SPATA7: variants seen among roughly 807,000 people sequenced by gnomAD.
The protein encoded by SPATA7 is spermatogenesis associated 7, also known as spermatogenesis-associated protein 7.
A neutral mutation model predicts 51.8 loss-of-function variants in SPATA7; 43 were observed. The observed-to-expected ratio is 0.83, with a 90% CI of 0.65 to 1.07. The LOEUF is 1.07. SPATA7 is among the 50% of genes least tolerant of loss of function. The probability of loss-of-function intolerance (pLI) is 0.00; values close to 1 mark genes in which losing one functional copy is unlikely to be tolerated. For missense variants in SPATA7, 683 were observed against 701.3 expected (o/e 0.97, Z 0.30); for synonymous variants, 230 against 252.8 (o/e 0.91, Z 0.86).
At chr14:88,432,535 TACC>T (rs1190498137) in intron 9 of SPATA7, 1 of 152,254 alleles carries the variant, frequency 6.6e-6, no homozygotes, top group Non-Finnish European at 1.5e-5. Context: ...AGTTAAAAAT[TACC>T]ACAAGATTTA....
chr14:88,465,781 T>C (rs1187452580), intron 4 of SPATA7: 1 of 152,208 alleles, frequency 6.6e-6, no homozygotes, highest in Non-Finnish European at 1.5e-5. Context: ...AGCTCAGTAA[T>C]GTGGATAGAT....
chr14:88,460,301 T>C (rs2077309419), intron 4 of SPATA7, among the ~76,000 whole-genome samples: 1 of 152,202 alleles, frequency 6.6e-6, no homozygotes, highest in Admixed American at 6.5e-5. Context: ...TCCTGCAGAG[T>C]GTTTTCCAAC....
intron 4 of SPATA7, among the ~76,000 whole-genome samples, chr14:88,411,991 T>C (rs1389939326): frequency 2.0e-5 from 3 of 151,870 alleles, no homozygotes; most frequent in African/African-American, 4.9e-5. Context: ...CCAAGAACAG[T>C]GTGTAATTCC....
At chr14:88,460,622 C>G (rs1404825498) in intron 4 of SPATA7, among the ~76,000 whole-genome samples, 30 of 152,080 alleles carry the variant, frequency 2.0e-4, no homozygotes, top group Admixed American at 2.0e-3. Context: ...AATCTTTTTT[C>G]AAGGTTTTTA....
intron 4 of SPATA7, among the ~76,000 whole-genome samples, chr14:88,462,847 A>G (rs900728939): frequency 1.3e-5 from 2 of 152,238 alleles, no homozygotes; most frequent in East Asian, 3.8e-4. Flanking sequence ...CTGAAGTTCT[A>G]CAGAAGTTCA....
chr14:88,454,655 A>C (rs530102604), intron 3 of SPATA7, among the ~76,000 whole-genome samples: 55 of 152,058 alleles, frequency 3.6e-4, no homozygotes, highest in South Asian at 1.2e-3. Context: ...CACACACACA[A>C]AAATTAGCTG....
intron 4 of SPATA7, among the ~76,000 whole-genome samples, chr14:88,413,775 T>G (rs1483747815): frequency 6.6e-6 from 1 of 152,084 alleles, no homozygotes; most frequent in Non-Finnish European, 1.5e-5. Flanking sequence ...TTGCTAGATT[T>G]TATTGAAGGT....
chr14:88,432,957 C>T, intron 9 of SPATA7, 178 bp from the exon 10 acceptor site: 3 of 576,152 alleles, frequency 5.2e-6, no homozygotes, highest in Non-Finnish European at 9.1e-6. Context: ...AATATTTATC[C>T]TTGCATAATT....
chr14:88,435,099 C>T (rs2077049267), intron 10 of SPATA7, among the ~76,000 whole-genome samples: 1 of 152,126 alleles, frequency 6.6e-6, no homozygotes, highest in South Asian at 2.1e-4. Context: ...AAATTATCAT[C>T]TTAGAGATGT....
chr14:88,460,709 TGTCAAA>T (rs1249561738), intron 4 of SPATA7, among the ~76,000 whole-genome samples: 27 of 152,288 alleles, frequency 1.8e-4, no homozygotes, highest in African/African-American at 6.3e-4. Flanking sequence ...TCTCTCAACT[TGTCAAA>T]GTCATTCTCC....
intron 4 of SPATA7, among the ~76,000 whole-genome samples, chr14:88,404,198 C>T (rs1159412293): frequency 2.6e-5 from 4 of 152,140 alleles, no homozygotes; most frequent in African/African-American, 9.6e-5. Context: ...GATAGAAAGA[C>T]TCTATATAAT....
At chr14:88,417,605 G>A (rs2076520415) in intron 5 of SPATA7, among the ~76,000 whole-genome samples, 1 of 152,246 alleles carries the variant, frequency 6.6e-6, no homozygotes, top group African/African-American at 2.4e-5. Flanking sequence ...ACTATGCTGA[G>A]CCTCTTTTAA....
rs78581628 is a variant in SPATA7 at position 88,421,943 on chromosome 14, A to G, written c.373-4289A>G. Among the ~76,000 whole-genome samples the G allele has an allele frequency of 9.7e-4, 144 of 149,088 alleles. 2 individuals are homozygous for G. The highest frequency in any genetic ancestry group is 3.2e-3 in the African/African-American group (129 of 39,786). On this transcript the variant is annotated intron_variant, in intron 5 of 11. Transcript: ENST00000393545. ...AGCCTGGGCGACAGAGCGAGACTCCATCTCAAAAAAAAAAAAAAAAAGTAG... is the reference window on the plus strand; with the variant it reads ...AGCCTGGGCGACAGAGCGAGACTCCGTCTCAAAAAAAAAAAAAAAAAGTAG...
In SPATA7 at chr14:88,426,494, G is replaced by A. The variant is rs772488728; in HGVS notation, c.635G>A (p.Arg212Gln). 8 of 1,614,114 alleles carry A rather than the reference G, an allele frequency of 5.0e-6. No individual in the cohort carries two copies. Among genetic ancestry groups the A allele is most frequent in the Admixed American group, 1.7e-5 (1 of 60,008 alleles). ...AGAAGCACATTCCCAAATTCCCACC[G>A]GTTTCAGTTAGTCATTTCGAAAGCA... ...RPRSTFPNSHRFQLVISKAPS... is the reference protein window; with the variant it reads ...RPRSTFPNSHQFQLVISKAPS... Residue 212 changes from arginine to glutamine, a missense_variant, in exon 6 of 12, where the codon CGG becomes CAG. By Grantham distance (43) the Arg-to-Gln change is conservative. Transcript: ENST00000393545.
chr14:88,402,298 G>T (rs1179802581), intron 4 of SPATA7, among the ~76,000 whole-genome samples: 3 of 151,994 alleles, frequency 2.0e-5, no homozygotes, highest in Admixed American at 2.0e-4. Context: ...ACAAACAATC[G>T]TAAAATTCAT....
At chr14:88,417,990 T>C (rs2076533323) in intron 5 of SPATA7, among the ~76,000 whole-genome samples, 1 of 152,210 alleles carries the variant, frequency 6.6e-6, no homozygotes, top group African/African-American at 2.4e-5. Flanking sequence ...TTTTAAGTCA[T>C]TATAGAATGA....
At chr14:88,388,143 A>G (rs562763751) in intron 1 of SPATA7, among the ~76,000 whole-genome samples, 2 of 152,040 alleles carry the variant, frequency 1.3e-5, no homozygotes, top group African/African-American at 4.8e-5. Context: ...GGGAGGTTGC[A>G]GTGAGCCAAG....
In SPATA7 at chr14:88,426,313, C is replaced by T. The variant is rs2076790530; in HGVS notation, c.454C>T (p.Pro152Ser). Reference protein sequence around the residue: ...GFSSFARSLVPSSERLHLSLH... With the variant: ...GFSSFARSLVSSSERLHLSLH... ...TTCATCCTTTGCAAGGTCACTAGTA[C>T]CCTCTTCAGAGAGACTACACCTAAG... The change falls in exon 6 of 12, where the codon CCC becomes TCC. Residue 152 changes from proline to serine, a missense_variant. Pro to Ser is a moderately conservative substitution (Grantham distance 74, BLOSUM62 -1). Coordinates refer to ENST00000393545, the MANE Select transcript of SPATA7 (RefSeq NM_018418.5). The T allele has an allele frequency of 6.2e-7, 1 of 1,613,954 alleles. No individual in the cohort carries two copies. Among genetic ancestry groups the T allele is most frequent in the Non-Finnish European group, 8.5e-7 (1 of 1,179,912 alleles).
At chr14:88,394,584 A>C (rs2075831639) in intron 3 of SPATA7, among the ~76,000 whole-genome samples, 1 of 152,156 alleles carries the variant, frequency 6.6e-6, no homozygotes, top group Admixed American at 6.5e-5. Context: ...GTTTTGACTC[A>C]CTTTTGGCCA....
Sources: gnomAD v4.1 joint callset for allele counts (sites outside exome capture counted in the v4.1 genomes callset) on GRCh38, gnomAD v4.1.1 for gene constraint, MANE v1.5 for transcripts, NCBI Gene and HGNC (gene_info 2026-07-23, HGNC 2026-07-21) for gene names.